SH3D19: variants seen among roughly 807,000 people sequenced by gnomAD.
SH3D19 encodes SH3 domain containing 19, also known as SH3 domain-containing protein 19.
In SH3D19, 58 loss-of-function variants were observed where a neutral mutation model predicts 112.1. The observed-to-expected ratio is 0.52, with a 90% CI of 0.42 to 0.64. The LOEUF is 0.64. Ranked by LOEUF, SH3D19 falls within the 30% of genes least tolerant of loss-of-function variation. SH3D19 has a pLI of 0.00. For missense variants in SH3D19, 1,090 were observed against 1,263.4 expected (o/e 0.86, Z 2.08); for synonymous variants, 391 against 448.5 (o/e 0.87, Z 1.62).
chr4:151,158,716 T>C (rs1008820730), intron 9 of SH3D19, among the ~76,000 whole-genome samples: 1 of 151,628 alleles, frequency 6.6e-6, no homozygotes, highest in South Asian at 2.1e-4. Flanking sequence ...ATTGAGGATA[T>C]TGAAGTTGAA....
rs911619626 is a variant in SH3D19, at chr4:151,159,346, T to A, written c.1649A>T (p.His550Leu). Reference sequence around the variant, plus strand: ...AGGAGGTGGACTTTGTGGATCCTCATGTAAACCTGGAAAAAGTAGCAGTAA... The same window carrying A: ...AGGAGGTGGACTTTGTGGATCCTCAAGTAAACCTGGAAAAAGTAGCAGTAA... ...RIPAKPGKCL[H>L]EDPQSPPPLP... The change falls in exon 9 of 20, where the codon CAT becomes CTT. Residue 550 changes from histidine to leucine, a missense_variant. His to Leu is a moderately conservative substitution (Grantham distance 99). Transcript: ENST00000604030. 1.5e-5 allele frequency: 23 copies of A among 1,563,276 alleles called. No individual in the cohort carries two copies. Among genetic ancestry groups the A allele is most frequent in the Non-Finnish European group, 2.0e-5 (23 of 1,154,132 alleles).
At chr4:151,247,124 T>C (rs1051848740) in intron 1 of SH3D19, among the ~76,000 whole-genome samples, 7 of 152,212 alleles carry the variant, frequency 4.6e-5, no homozygotes, top group Non-Finnish European at 8.8e-5. Flanking sequence ...CTGAATTCTA[T>C]AAAATGATAA....
intron 2 of SH3D19, among the ~76,000 whole-genome samples, chr4:151,222,624 C>T (rs1768251371): frequency 7.0e-6 from 1 of 143,128 alleles, no homozygotes; most frequent in Non-Finnish European, 1.5e-5. Flanking sequence ...TTTAAATTCA[C>T]ATATTAGATT....
At chr4:151,140,616 G>A (rs909631105) in intron 12 of SH3D19, 3 of 152,160 alleles carry the variant, frequency 2.0e-5, no homozygotes, top group Admixed American at 6.5e-5. Context: ...CAAGAGACAG[G>A]CTTATCCTCA....
At chr4:151,252,713 A>G (rs925721134) in intron 1 of SH3D19, among the ~76,000 whole-genome samples, 1 of 152,232 alleles carries the variant, frequency 6.6e-6, no homozygotes, top group Non-Finnish European at 1.5e-5. Context: ...CCAGCTAGAC[A>G]TCGATCAAGC....
chr4:151,244,293 G>C (rs1350637759), intron 1 of SH3D19, among the ~76,000 whole-genome samples: 1 of 152,126 alleles, frequency 6.6e-6, no homozygotes, highest in Non-Finnish European at 1.5e-5. Flanking sequence ...TTGGTTCAAA[G>C]ATATCTTAGT....
chr4:151,317,566 G>A (rs545411343), intron 1 of SH3D19, among the ~76,000 whole-genome samples: 13 of 152,300 alleles, frequency 8.5e-5, no homozygotes, highest in African/African-American at 2.6e-4. Context: ...ACGAAGGGAT[G>A]CACTCTGGTT....
At chr4:151,222,804 C>G (rs1366114740) in intron 2 of SH3D19, among the ~76,000 whole-genome samples, 1 of 151,528 alleles carries the variant, frequency 6.6e-6, no homozygotes, top group Non-Finnish European at 1.5e-5. Context: ...TCACAAGTAG[C>G]TGGGATTACA....
At chr4:151,237,494 T>C (rs1770209257) in intron 1 of SH3D19, among the ~76,000 whole-genome samples, 1 of 151,692 alleles carries the variant, frequency 6.6e-6, no homozygotes, top group African/African-American at 2.4e-5. Flanking sequence ...ACAATCTAGG[T>C]AGATGTTAAA....
chr4:151,206,376 C>T (rs1275330950), intron 2 of SH3D19, among the ~76,000 whole-genome samples: 1 of 152,080 alleles, frequency 6.6e-6, no homozygotes, highest in Non-Finnish European at 1.5e-5. Context: ...ACAATAAAGT[C>T]TTCTATTACT....
chr4:151,236,949 G>C (rs1462149792), intron 1 of SH3D19, among the ~76,000 whole-genome samples: 1 of 152,158 alleles, frequency 6.6e-6, no homozygotes, highest in Non-Finnish European at 1.5e-5. Flanking sequence ...TGTGGGTGGG[G>C]CCAGATAAGG....
intron 2 of SH3D19, among the ~76,000 whole-genome samples, chr4:151,217,381 C>A (rs926619295): frequency 6.6e-6 from 1 of 152,124 alleles, no homozygotes; most frequent in South Asian, 2.1e-4. Flanking sequence ...CTTTTAAATT[C>A]GTAATGATAT....
intron 7 of SH3D19, among the ~76,000 whole-genome samples, chr4:151,167,575 A>G (rs1251877834): frequency 6.6e-6 from 1 of 152,180 alleles, no homozygotes; most frequent in African/African-American, 2.4e-5. Flanking sequence ...TTTTATATCA[A>G]TTTCTTTGTA....
At position 151,165,654 on chromosome 4, in the gene SH3D19, C is replaced by A. The variant is rs761177950; in HGVS notation, c.1577G>T (p.Arg526Leu). The A allele has an allele frequency of 6.2e-7, 1 of 1,614,068 alleles. No homozygotes were observed. The highest frequency in any genetic ancestry group is 1.7e-5 in the Admixed American group (1 of 60,000). ...CCTGGTGGGTGCTGGTTGAACTGCT[C>A]GTTCTTTTATTGGTTCTGTTTTTGC... ...LPAKTEPIKERAVQPAPTRKP... is the reference protein window; with the variant it reads ...LPAKTEPIKELAVQPAPTRKP... The change falls in exon 8 of 20, where the codon CGA (arginine) becomes CTA (leucine). Residue 526 changes from arginine (R) to leucine (L), a missense_variant. Arg to Leu is a moderately radical substitution (Grantham distance 102, BLOSUM62 -2). Transcript: ENST00000604030.
At chr4:151,243,960 A>T (rs773699521) in intron 1 of SH3D19, among the ~76,000 whole-genome samples, 2 of 152,234 alleles carry the variant, frequency 1.3e-5, no homozygotes, top group Non-Finnish European at 2.9e-5. Context: ...AGAGTAAAAA[A>T]TTCCGTGGAC....
intron 1 of SH3D19, among the ~76,000 whole-genome samples, chr4:151,236,283 G>A (rs896102106): frequency 2.0e-5 from 3 of 152,374 alleles, no homozygotes; most frequent in Middle Eastern, 3.4e-3. Flanking sequence ...GCGGGCTGGC[G>A]GGGGTTCCAG....
At chr4:151,124,819 C>G (rs1748840273) in intron 19 of SH3D19, among the ~76,000 whole-genome samples, 1 of 152,066 alleles carries the variant, frequency 6.6e-6, no homozygotes, top group Non-Finnish European at 1.5e-5. Flanking sequence ...ATAACAACAA[C>G]AATTCTAACA....
intron 2 of SH3D19, among the ~76,000 whole-genome samples, chr4:151,224,714 T>G (rs1223312138): frequency 6.6e-6 from 1 of 152,166 alleles, no homozygotes; most frequent in East Asian, 1.9e-4. Context: ...TGCCTTATTT[T>G]TATTTTTAAC....
At chr4:151,281,070 G>A (rs1285041489) in intron 1 of SH3D19, among the ~76,000 whole-genome samples, 1 of 152,106 alleles carries the variant, frequency 6.6e-6, no homozygotes, top group African/African-American at 2.4e-5. Context: ...ACACAGAAGA[G>A]AATCCCTAAG....
Sources: gnomAD v4.1 joint callset for allele counts (sites outside exome capture counted in the v4.1 genomes callset) on GRCh38, gnomAD v4.1.1 for gene constraint, MANE v1.5 for transcripts, NCBI Gene and HGNC (gene_info 2026-07-23, HGNC 2026-07-21) for gene names.